SCIMP: variants seen among roughly 807,000 people sequenced by gnomAD.
The protein encoded by SCIMP is SLP adapter and CSK-interacting membrane protein.
SCIMP carries 18 observed loss-of-function variants against 22.0 expected under a neutral mutation model. That is an observed-to-expected ratio of 0.82 (90% CI 0.56 to 1.21). The LOEUF (loss-of-function observed/expected upper bound fraction) is 1.21, where lower values mean the gene tolerates loss of function less well. SCIMP is among the 50% of genes most tolerant of loss of function. The pLI, the probability that SCIMP is intolerant of heterozygous loss-of-function variation, is 0.00. For missense variants in SCIMP, 155 were observed against 171.2 expected (o/e 0.91, Z 0.53); for synonymous variants, 53 against 62.2 (o/e 0.85, Z 0.70).
Position 5,218,403 on chromosome 17 carries a change from G to C in SCIMP, c.209+2884C>G, listed in dbSNP as rs563369711. On this transcript the variant is annotated intron_variant, in intron 3 of 4. Coordinates refer to ENST00000574081, the MANE Select transcript of SCIMP (RefSeq NM_207103.3). ...CACCCAGGCTGGAGTGCAGTGGCAC[G>C]ATCTTGGATCACTGCAACCTCCACC... 2.0e-5 allele frequency among the ~76,000 whole-genome samples: 3 copies of C among 151,254 alleles called. No homozygotes were observed. In the South Asian group the frequency reaches 6.3e-4, roughly 32 times the overall value.
At chr17:5,218,210 G>C (rs1006289060) in intron 3 of SCIMP, among the ~76,000 whole-genome samples, 1 of 151,880 alleles carries the variant, frequency 6.6e-6, no homozygotes, top group Non-Finnish European at 1.5e-5. Flanking sequence ...ATTTTTCTCA[G>C]ATATGGGTCC....
chr17:5,228,124 A>G (rs1471445308), intron 1 of SCIMP, among the ~76,000 whole-genome samples: 1 of 151,976 alleles, frequency 6.6e-6, no homozygotes, highest in East Asian at 1.9e-4. Context: ...GTGAGCCGAG[A>G]TCACGCCACT....
At chr17:5,234,494 AG>A in intron 1 of SCIMP, 1 of 569,040 alleles carries the variant, frequency 1.8e-6, no homozygotes. Flanking sequence ...CATACACATG[AG>A]GAAAAGGCCC....
intron 1 of SCIMP, 29 bp downstream of exon 1, chr17:5,234,706 A>G: frequency 6.2e-7 from 1 of 1,610,498 alleles, no homozygotes; most frequent in Admixed American, 1.7e-5. Flanking sequence ...AGAGCAGGAA[A>G]CTGTCCCTTG....
At position 5,223,377 on chromosome 17, in the gene SCIMP, A is replaced by G; in HGVS notation, c.101T>C (p.Leu34Pro). The change falls in exon 2 of 5, where the codon CTG becomes CCG. Residue 34 changes from leucine to proline, a missense_variant. Transcript: ENST00000574081. Reference sequence around the variant, plus strand: ...ACAGACACAGTACAGGATGAGGCCCAGACCCACAGAGACAACGATGATGGC... The same window carrying G: ...ACAGACACAGTACAGGATGAGGCCCGGACCCACAGAGACAACGATGATGGC... ...AVAIIVVSVGLGLILYCVCKW... is the reference protein window; with the variant it reads ...AVAIIVVSVGPGLILYCVCKW... The G allele has an allele frequency of 6.2e-7, 1 of 1,613,708 alleles. No homozygotes were observed. The highest frequency in any genetic ancestry group is 2.2e-5 in the East Asian group (1 of 44,886).
chr17:5,220,510 G>A lies in SCIMP; in HGVS notation c.209+777C>T, dbSNP rs554534313. Among the ~76,000 whole-genome samples, 43 of 151,896 alleles carry A rather than the reference G, an allele frequency of 2.8e-4. 2 individuals carry two copies. The South Asian group carries it at 3.1e-3, about 11-fold the overall frequency. On this transcript the variant is annotated intron_variant, in intron 3 of 4. Coordinates refer to ENST00000574081, the MANE Select transcript of SCIMP (RefSeq NM_207103.3). The stretch of plus-strand genomic sequence containing the variant: ...TCCCAGCACTTTGGGAGGCCAAGGC[G>A]GGTGGATCACAAGGTCAGGAGTTTG...
chr17:5,233,038 C>T (rs1371770083), intron 1 of SCIMP, among the ~76,000 whole-genome samples: 1 of 152,130 alleles, frequency 6.6e-6, no homozygotes, highest in African/African-American at 2.4e-5. Flanking sequence ...CTGATGTCAG[C>T]ACCAGAAATG....
At chr17:5,223,284 A>T (rs1186142680) in intron 2 of SCIMP, 49 bp downstream of exon 2, 2 of 1,608,626 alleles carry the variant, frequency 1.2e-6, no homozygotes, top group South Asian at 1.1e-5. Flanking sequence ...TACTGCACCG[A>T]TAACCACCTG....
chr17:5,218,130 A>G (rs2074579417), intron 3 of SCIMP, among the ~76,000 whole-genome samples: 1 of 151,640 alleles, frequency 6.6e-6, no homozygotes, highest in Non-Finnish European at 1.5e-5. Context: ...GGTTCAAGCA[A>G]TCCTCCCACC....
At position 5,225,916 on chromosome 17, in the gene SCIMP, A is replaced by G. The variant is rs1271155410; in HGVS notation, c.22-2460T>C. Among the ~76,000 whole-genome samples, 5 of 151,948 alleles carry G rather than the reference A, an allele frequency of 3.3e-5. No individual in the cohort carries two copies. The East Asian group carries it at 5.8e-4, about 18-fold the overall frequency. On this transcript the variant is annotated intron_variant, in intron 1 of 4. Coordinates refer to ENST00000574081, the MANE Select transcript of SCIMP (RefSeq NM_207103.3). ...GAACTGAGCTGTGAGATCTGATACT[A>G]TCTCTGGGTCTATAGTGCTGGCATT...
At chr17:5,224,441 TTTTTG>T (rs1332186626) in intron 1 of SCIMP, among the ~76,000 whole-genome samples, 1 of 37,738 alleles carries the variant, frequency 2.6e-5, no homozygotes, top group African/African-American at 8.4e-5. Context: ...CAGGCCAGTT[TTTTTG>T]TTTGTTTGTT....
intron 2 of SCIMP, among the ~76,000 whole-genome samples, 154 bp from the exon 3 acceptor site, chr17:5,221,504 C>G (rs899437048): frequency 6.6e-6 from 1 of 152,172 alleles, no homozygotes. Context: ...TCTGCACTAA[C>G]CCAGTGAAGG....
At chr17:5,231,820 T>C (rs1020017299) in intron 1 of SCIMP, among the ~76,000 whole-genome samples, 3 of 152,132 alleles carry the variant, frequency 2.0e-5, no homozygotes, top group Admixed American at 6.6e-5. Context: ...TTTGGGAGGC[T>C]GAGGCGGGCG....
chr17:5,233,953 T>C (rs1410303689), intron 1 of SCIMP: 2 of 152,138 alleles, frequency 1.3e-5, no homozygotes, highest in Non-Finnish European at 2.9e-5. Context: ...GTACCAAGAC[T>C]GGAGGTGATC....
chr17:5,210,507 G>A lies in SCIMP; in HGVS notation c.*294C>T, dbSNP rs1023249720. 6 of 295,956 alleles carry A rather than the reference G, an allele frequency of 2.0e-5. No homozygotes were observed. Among genetic ancestry groups the A allele is most frequent in the Admixed American group, 4.7e-5 (1 of 21,230 alleles). The allele number at this position is 295,956 out of a possible 1,614,324, so 18.3% of individuals were successfully genotyped here. On this transcript the variant is annotated 3_prime_UTR_variant, in exon 5 of 5. Transcript: ENST00000574081. The stretch of plus-strand genomic sequence containing the variant: ...GCCAAGAAATGAGTAGTTTCCCACA[G>A]GTGGGAGCCATGGAGCCCCGTGGTC...
chr17:5,229,878 C>G (rs897301425), intron 1 of SCIMP, among the ~76,000 whole-genome samples: 3 of 146,906 alleles, frequency 2.0e-5, no homozygotes, highest in Non-Finnish European at 3.0e-5. Context: ...CTCTCTGCTC[C>G]TCTCCTCTCC....
chr17:5,217,634 T>C (rs1308262644), intron 3 of SCIMP, among the ~76,000 whole-genome samples: 1 of 142,854 alleles, frequency 7.0e-6, no homozygotes, highest in Non-Finnish European at 1.5e-5. Flanking sequence ...CATTGTTCAA[T>C]TCCCACCTAT....
intron 1 of SCIMP, among the ~76,000 whole-genome samples, chr17:5,225,141 G>A (rs1376332273): frequency 3.9e-5 from 6 of 152,102 alleles, no homozygotes; most frequent in Non-Finnish European, 8.8e-5. Flanking sequence ...CTGTGGTGTC[G>A]CCTTTTGTTA....
chr17:5,217,912 C>A (rs1226503327), intron 3 of SCIMP, among the ~76,000 whole-genome samples: 2 of 152,066 alleles, frequency 1.3e-5, no homozygotes, highest in Non-Finnish European at 2.9e-5. Flanking sequence ...ATTTATAGTC[C>A]TTTGGGTATA....
Sources: gnomAD v4.1 joint callset for allele counts (sites outside exome capture counted in the v4.1 genomes callset) on GRCh38, gnomAD v4.1.1 for gene constraint, MANE v1.5 for transcripts, NCBI Gene and HGNC (gene_info 2026-07-23, HGNC 2026-07-21) for gene names.